ZNF469: variants seen among roughly 807,000 people sequenced by gnomAD.
ZNF469 encodes zinc finger protein 469.
Under a neutral mutation model 1.0 loss-of-function variants are expected in ZNF469, and 1 was observed. The ratio of observed to expected loss-of-function variants is 1.00; its 90% CI spans 0.35 to 4.73. The LOEUF is 4.73. Among genes scored for constraint, ZNF469 ranks in the 30% most tolerant of loss-of-function variants. The pLI is 0.16. For missense variants in ZNF469, 6,100 were observed against 5,356.3 expected (o/e 1.14, Z -4.33); for synonymous variants, 2,703 against 2,363.4 (o/e 1.14, Z -4.17).
At chr16:88,327,465 G>C in the ZNF469 span, among the ~76,000 whole-genome samples, 1 of 152,224 alleles carries the variant, frequency 6.6e-6, no homozygotes, top group Non-Finnish European at 1.5e-5. Flanking sequence ...GCGTAAGCAT[G>C]GTGTGGGTGC....
chr16:88,332,777 A>C, the ZNF469 span, among the ~76,000 whole-genome samples: 1 of 152,268 alleles, frequency 6.6e-6, no homozygotes, highest in African/African-American at 2.4e-5. Context: ...GCCGGCTCTC[A>C]CAGCCTGCAA....
chr16:88,267,578 C>T, the ZNF469 span, among the ~76,000 whole-genome samples: 2 of 152,294 alleles, frequency 1.3e-5, no homozygotes, highest in African/African-American at 4.8e-5. Flanking sequence ...CCTTTCGGTT[C>T]CAAATGGATT....
chr16:88,153,202 G>C, the ZNF469 span, among the ~76,000 whole-genome samples: 1 of 152,222 alleles, frequency 6.6e-6, no homozygotes, highest in Admixed American at 6.5e-5. Context: ...GGGAACCCAG[G>C]TGGGGGGCTG....
At chr16:88,187,379 C>T in the ZNF469 span, among the ~76,000 whole-genome samples, 7 of 152,186 alleles carry the variant, frequency 4.6e-5, no homozygotes, top group Admixed American at 2.0e-4. Context: ...GCAAAATTCT[C>T]GCTGATAAAA....
At chr16:88,179,785 C>A in the ZNF469 span, among the ~76,000 whole-genome samples, 1 of 152,180 alleles carries the variant, frequency 6.6e-6, no homozygotes, top group African/African-American at 2.4e-5. Context: ...AGATAATTGA[C>A]TACCTGAAGC....
At chr16:88,337,919 T>C in the ZNF469 span, among the ~76,000 whole-genome samples, 1 of 152,234 alleles carries the variant, frequency 6.6e-6, no homozygotes, top group East Asian at 1.9e-4. Context: ...GCCAAAATTT[T>C]CTCCTGCTTT....
chr16:88,427,786 T>C lies in ZNF469; in HGVS notation c.316T>C (p.Ser106Pro). ...GGGGAGAAGCCCCTTGCAGGCTCCC[T>C]CAAGGCTGGCGGGCAGGGCAGAGGG... ...PPGRSPLQAP[S>P]RLAGRAEGSP... is the part of the protein sequence containing the mutation. Residue 106 changes from serine to proline, a missense_variant, in exon 3 of 3, where the codon TCA becomes CCA. Transcript: ENST00000565624. 6.5e-7 allele frequency: 1 copy of C among 1,547,064 alleles called. No individual in the cohort carries two copies. The highest frequency in any genetic ancestry group is 8.7e-7 in the Non-Finnish European group (1 of 1,146,718).
the ZNF469 span, among the ~76,000 whole-genome samples, chr16:88,111,578 T>C: frequency 6.6e-6 from 1 of 152,298 alleles, no homozygotes; most frequent in East Asian, 1.9e-4. Context: ...TCTATATCCA[T>C]GAGTTCAATC....
the ZNF469 span, among the ~76,000 whole-genome samples, chr16:88,369,003 C>T: frequency 6.6e-6 from 1 of 151,840 alleles, no homozygotes; most frequent in African/African-American, 2.4e-5. Flanking sequence ...TGCTCGAACC[C>T]AGGAGGTGGA....
chr16:88,239,680 T>C, the ZNF469 span, among the ~76,000 whole-genome samples: 26 of 4,406 alleles, frequency 5.9e-3, no homozygotes, highest in African/African-American at 0.031. Context: ...TATATATATA[T>C]ATATATATAT....
chr16:88,137,081 G>A, the ZNF469 span, among the ~76,000 whole-genome samples: 2 of 152,116 alleles, frequency 1.3e-5, no homozygotes, highest in East Asian at 3.9e-4. Flanking sequence ...AGCACCATGT[G>A]TGTGCAACCA....
chr16:88,281,998 G>T, the ZNF469 span, among the ~76,000 whole-genome samples: 1 of 152,220 alleles, frequency 6.6e-6, no homozygotes, highest in African/African-American at 2.4e-5. Flanking sequence ...TGGTGCATGG[G>T]TTAGTTAGTA....
At chr16:88,134,549 A>C in the ZNF469 span, among the ~76,000 whole-genome samples, 5 of 152,260 alleles carry the variant, frequency 3.3e-5, no homozygotes, top group Non-Finnish European at 7.3e-5. Flanking sequence ...TTAGTTATTT[A>C]GAGTAAGTTC....
chr16:88,209,551 A>C, the ZNF469 span, among the ~76,000 whole-genome samples: 2 of 152,270 alleles, frequency 1.3e-5, no homozygotes, highest in African/African-American at 4.8e-5. Context: ...TCGGCCTCCC[A>C]AAGTGCTGGG....
At chr16:88,370,371 G>A in the ZNF469 span, among the ~76,000 whole-genome samples, 1 of 152,170 alleles carries the variant, frequency 6.6e-6, no homozygotes, top group Non-Finnish European at 1.5e-5. Context: ...TGGGCCCCTC[G>A]TTATTCCTCA....
At chr16:88,140,215 A>C in the ZNF469 span, among the ~76,000 whole-genome samples, 1 of 152,246 alleles carries the variant, frequency 6.6e-6, no homozygotes, top group Non-Finnish European at 1.5e-5. Flanking sequence ...ATAAAAAAAA[A>C]CTTTGGCTAT....
At chr16:88,302,051 C>T in the ZNF469 span, among the ~76,000 whole-genome samples, 4 of 152,194 alleles carry the variant, frequency 2.6e-5, no homozygotes, top group East Asian at 1.9e-4. Flanking sequence ...GCCTGGCTCA[C>T]GGGCAGTTCG....
At chr16:88,265,987 G>C in the ZNF469 span, among the ~76,000 whole-genome samples, 103,145 of 152,152 alleles carry the variant, frequency 0.68, 35,173 homozygotes, top group East Asian at 0.92. Context: ...CGGGCCCTGA[G>C]TGCCCGGCCA....
Position 88,424,766 on chromosome 16 carries a change from GCAC to G in ZNF469, c.-191-37_-191-35del, listed in dbSNP as rs768505600. 1.3e-5 allele frequency among the ~76,000 whole-genome samples: 2 copies of G among 152,140 alleles called. No individual in the cohort carries two copies. The highest frequency in any genetic ancestry group is 2.9e-5 in the Non-Finnish European group (2 of 68,018). ...CCTCGGGCTCTTGGTCCAGAGCCAT[GCAC>G]CACATCGGCCCTGACATGCTTTCCA... On this transcript the variant is annotated intron_variant, in intron 1 of 2. Transcript: ENST00000565624. The surrounding 1 kb of genome is among the most constrained non-coding windows in gnomAD (Gnocchi z 4.3).
Sources: gnomAD v4.1 joint callset for allele counts (sites outside exome capture counted in the v4.1 genomes callset) on GRCh38, gnomAD v4.1.1 for gene constraint, Gnocchi (gnomAD v3.1) non-coding constraint, MANE v1.5 for transcripts, NCBI Gene and HGNC (gene_info 2026-07-23, HGNC 2026-07-21) for gene names.